CREBRF: variants seen among roughly 807,000 people sequenced by gnomAD.
CREBRF encodes UPF0474 protein C5orf41.
CREBRF carries 5 observed loss-of-function variants against 66.1 expected under a neutral mutation model. The observed-to-expected ratio is 0.08, with a 90% CI of 0.04 to 0.16. The LOEUF is 0.16. Ranked by LOEUF, CREBRF falls within the 10% of genes least tolerant of loss-of-function variation. The pLI is 1.00. For synonymous variants in CREBRF, 229 were observed against 264.4 expected, an observed-to-expected ratio of 0.87 and a Z score of 1.30; for missense variants, 531 against 744.9, an observed-to-expected ratio of 0.71 and a Z score of 3.34.
At chr5:173,096,943 A>G (rs953639154) in intron 4 of CREBRF, among the ~76,000 whole-genome samples, 5 of 152,134 alleles carry the variant, frequency 3.3e-5, no homozygotes, top group African/African-American at 1.2e-4. Context: ...TTGCATCTCA[A>G]AGATAAATCC....
chr5:173,056,832 A>T (rs1278782867), intron 1 of CREBRF, among the ~76,000 whole-genome samples: 1 of 146,452 alleles, frequency 6.8e-6, no homozygotes, highest in Non-Finnish European at 1.5e-5. Flanking sequence ...GCTGCCTCCG[A>T]GCCCGGGGCC....
intron 8 of CREBRF, among the ~76,000 whole-genome samples, chr5:173,133,329 C>CTTTGGG (rs1759518038): frequency 2.0e-5 from 3 of 152,284 alleles, no homozygotes; most frequent in South Asian, 2.1e-4. Flanking sequence ...TGTCGGCAGC[C>CTTTGGG]TTTGGGTTTG....
intron 1 of CREBRF, among the ~76,000 whole-genome samples, chr5:173,076,231 A>G (rs1757760598): frequency 6.6e-6 from 1 of 152,062 alleles, no homozygotes; most frequent in Non-Finnish European, 1.5e-5. Context: ...AGCTGAATTC[A>G]TTTTTTCTAT....
In CREBRF at chr5:173,123,067, T is replaced by G; in HGVS notation, c.1682-13T>G. The G allele has an allele frequency of 6.4e-7, 1 of 1,573,772 alleles. No individual in the cohort carries two copies. ...GTAGTGACATATTCCAAGTGTTTTG[T>G]TCTGTCTTACAGATAATTTATTGTT... On this transcript the variant is annotated splice_polypyrimidine_tract_variant and intron_variant, in intron 7 of 8. Coordinates refer to ENST00000296953, the MANE Select transcript of CREBRF (RefSeq NM_153607.3).
At chr5:173,109,290 A>G (rs2113771391) in intron 5 of CREBRF, 1 of 153,682 alleles carries the variant, frequency 6.5e-6, no homozygotes, top group African/African-American at 2.4e-5. Context: ...GTTGTAGAGA[A>G]GAGTTGAATA....
intron 3 of CREBRF, among the ~76,000 whole-genome samples, chr5:173,089,216 AACACACAC>A (rs113514387): frequency 6.9e-6 from 1 of 145,692 alleles, no homozygotes; most frequent in Non-Finnish European, 1.5e-5. Context: ...ATACACAGAC[AACACACAC>A]ACACACACAC....
At position 173,112,239 on chromosome 5, in the gene CREBRF, G is replaced by A. The variant is rs546198536; in HGVS notation, c.1608-67G>A. The A allele has an allele frequency of 1.5e-4, 181 of 1,177,772 alleles. No individual in the cohort carries two copies. In the South Asian group the frequency reaches 1.6e-3, roughly 10 times the overall value. 73.0% of individuals were successfully genotyped at this position (1,177,772 alleles called of 1,614,324 possible). A position where few individuals can be genotyped will look rare whatever the true frequency, so the allele number is the denominator to read the frequency against. ...GGCAACATAGCGAGACCCCTTCTCCGTAATTAAAAATAATAAAATTAAAAT... is the reference window on the plus strand; with the variant it reads ...GGCAACATAGCGAGACCCCTTCTCCATAATTAAAAATAATAAAATTAAAAT... On this transcript the variant is annotated intron_variant, in intron 6 of 8. Transcript: ENST00000296953.
chr5:173,060,842 T>C (rs891826104), intron 1 of CREBRF, among the ~76,000 whole-genome samples: 1 of 152,060 alleles, frequency 6.6e-6, no homozygotes, highest in African/African-American at 2.4e-5. Context: ...GTAGAAAATA[T>C]GTTCTACATA....
Position 173,136,471 on chromosome 5 carries a change from C to A in CREBRF, c.*2726C>A, listed in dbSNP as rs2113820557. ...TAAATCTGGGCTGGTCAGAATGCTG[C>A]AGCGATACTTGATCTATATAAAAAC... On this transcript the variant is annotated 3_prime_UTR_variant, in exon 9 of 9. Transcript: ENST00000296953. 6.6e-6 allele frequency: 1 copy of A among 152,476 alleles called. No homozygotes were observed. The highest frequency in any genetic ancestry group is 3.4e-3 in the Middle Eastern group (1 of 294). The allele number at this position is 152,476 out of a possible 1,614,324, so 9.4% of individuals were successfully genotyped here.
At chr5:173,082,012 T>C (rs900250085) in intron 2 of CREBRF, among the ~76,000 whole-genome samples, 8 of 122,074 alleles carry the variant, frequency 6.6e-5, no homozygotes, top group Admixed American at 1.6e-4. Flanking sequence ...AGTTTTTTTT[T>C]TTTTTTTTTT....
intron 4 of CREBRF, among the ~76,000 whole-genome samples, chr5:173,100,118 G>GTATA (rs1554125222): frequency 3.1e-4 from 27 of 88,386 alleles, no homozygotes; most frequent in East Asian, 6.0e-4. Flanking sequence ...GTGTGTGTGT[G>GTATA]TATATATATA....
chr5:173,094,095 C>G (rs1274779075), intron 4 of CREBRF, among the ~76,000 whole-genome samples: 1 of 152,186 alleles, frequency 6.6e-6, no homozygotes, highest in Non-Finnish European at 1.5e-5. Flanking sequence ...ATTACAAAGA[C>G]AGGATTTCCT....
rs1758303297 is a variant in CREBRF at position 173,090,813 on chromosome 5, C to A, written c.634C>A (p.Gln212Lys). 1 of 1,614,002 alleles carries A rather than the reference C, an allele frequency of 6.2e-7. No individual in the cohort carries two copies. The highest frequency in any genetic ancestry group is 1.1e-5 in the South Asian group (1 of 91,084). The change falls in exon 4 of 9, where the codon CAA becomes AAA. Residue 212 changes from glutamine (Q) to lysine (K), a missense_variant. Gln to Lys is a moderately conservative substitution (Grantham distance 53). Coordinates refer to ENST00000296953, the MANE Select transcript of CREBRF (RefSeq NM_153607.3). This position sits in a 1 kb window ranked among gnomAD's most constrained non-coding sequence, Gnocchi z 4.5. ...AGCAAGTAAACCCACTTCAAGCACA[C>A]AAATCATGGTGAAGACCAACATGTA... The part of the protein sequence containing the change: ...QKASKPTSST[Q>K]IMVKTNMYHN...
chr5:173,067,624 A>C (rs775842581), intron 1 of CREBRF, among the ~76,000 whole-genome samples: 2 of 152,218 alleles, frequency 1.3e-5, no homozygotes, highest in Non-Finnish European at 2.9e-5. Context: ...ACACTAATGC[A>C]ACTGATTTGC....
At chr5:173,083,751 T>C (rs141218453) in intron 2 of CREBRF, among the ~76,000 whole-genome samples, 1 of 152,236 alleles carries the variant, frequency 6.6e-6, no homozygotes. Flanking sequence ...GAAGAAATGT[T>C]ATACAGCTAA....
chr5:173,056,563 T>C, intron 1 of CREBRF, 84 bp downstream of exon 1: 1 of 395,232 alleles, frequency 2.5e-6, no homozygotes, highest in Non-Finnish European at 4.5e-6. Context: ...GCCGCTTGCC[T>C]AGGAGGCAGC....
At chr5:173,085,927 A>G in intron 2 of CREBRF, 1 of 1,159,982 alleles carries the variant, frequency 8.6e-7, no homozygotes, top group Non-Finnish European at 1.3e-6. Context: ...TTAGGCACCC[A>G]CTTTTTTTCA....
At chr5:173,071,823 A>G (rs1401930471) in intron 1 of CREBRF, among the ~76,000 whole-genome samples, 1 of 151,306 alleles carries the variant, frequency 6.6e-6, no homozygotes, top group African/African-American at 2.4e-5. Flanking sequence ...TGGGAGGCCA[A>G]GGCAGGCGAT....
At chr5:173,078,752 T>C (rs251238) in intron 1 of CREBRF, among the ~76,000 whole-genome samples, 100,085 of 151,630 alleles carry the variant, frequency 0.66, 33,569 homozygotes, top group African/African-American at 0.71. Context: ...CTTGAACTCC[T>C]GACCTCAAGT....
Sources: allele counts gnomAD v4.1 joint callset (sites outside exome capture counted in the v4.1 genomes callset), GRCh38; gene constraint gnomAD v4.1.1; non-coding constraint Gnocchi (gnomAD v3.1); transcripts MANE v1.5; gene names NCBI Gene and HGNC (gene_info 2026-07-23, HGNC 2026-07-21).